The following FXR1 variants were observed in gnomAD, a reference collection of about 807,000 sequenced individuals.
The protein encoded by FXR1 is RNA-binding protein FXR1.
A neutral mutation model predicts 84.0 loss-of-function variants in FXR1; 15 were observed. The ratio of observed to expected loss-of-function variants is 0.18; its 90% confidence interval spans 0.12 to 0.27. FXR1 has a LOEUF of 0.27. Ranked by LOEUF, FXR1 falls within the 10% of genes least tolerant of loss-of-function variation. FXR1 has a pLI of 1.00. For missense variants in FXR1, 480 were observed against 774.4 expected (o/e 0.62, Z 4.51); for synonymous variants, 245 against 250.7 (o/e 0.98, Z 0.21).
chr3:180,976,993 A>T lies in FXR1; in HGVS notation c.*701A>T, dbSNP rs542041761. The T allele has an allele frequency of 6.5e-6, 1 of 152,690 alleles. No individual in the cohort carries two copies. Among genetic ancestry groups the T allele is most frequent in the East Asian group, 1.9e-4 (1 of 5,194 alleles). The allele number at this position is 152,690 out of a possible 1,614,324, so 9.5% of individuals were successfully genotyped here. A position where few individuals can be genotyped will look rare whatever the true frequency, so the allele number is the denominator to read the frequency against. On this transcript the variant is annotated 3_prime_UTR_variant, in exon 17 of 17. Transcript: ENST00000357559. ...GTCATGTCCATTCAGACATAACCTGAACTACTGAAAAGATCAATTTCCAGA... is the reference window on the plus strand; with the variant it reads ...GTCATGTCCATTCAGACATAACCTGTACTACTGAAAAGATCAATTTCCAGA...
At chr3:180,957,768 T>C in intron 9 of FXR1, 51 bp from the exon 10 acceptor site, 1 of 803,920 alleles carries the variant, frequency 1.2e-6, no homozygotes, top group Non-Finnish European at 2.1e-6. Context: ...ACTGAAAGAA[T>C]AGCAGAATTG....
chr3:180,943,421 C>T (rs542863720), intron 3 of FXR1, among the ~76,000 whole-genome samples: 150 of 151,796 alleles, frequency 9.9e-4, no homozygotes, highest in Non-Finnish European at 1.7e-3. Flanking sequence ...CGCCCACCAC[C>T]ATGCCCAGCT....
Position 180,976,191 on chromosome 3 carries a change from G to A in FXR1, c.1765G>A (p.Asp589Asn), listed in dbSNP as rs751470533. The A allele has an allele frequency of 5.0e-6, 8 of 1,612,718 alleles. No homozygotes were observed. The highest frequency in any genetic ancestry group is 6.8e-6 in the Non-Finnish European group (8 of 1,178,830). Residue 589 changes from aspartate to asparagine, a missense_variant, in exon 17 of 17, where the codon GAT (aspartate) becomes AAT (asparagine). Asp to Asn is a conservative substitution (Grantham distance 23). Transcript: ENST00000357559. ...AAACGGCCCAACTAGTGCTTCTGGC[G>A]ATGACATTTCTAAGCTACAGCGTAC... is the stretch of plus-strand genomic sequence containing the variant. ...AINGPTSASGDDISKLQRTPG... is the reference protein window; with the variant it reads ...AINGPTSASGNDISKLQRTPG...
At chr3:180,952,576 A>G (rs960162841) in intron 8 of FXR1, among the ~76,000 whole-genome samples, 12 of 125,568 alleles carry the variant, frequency 9.6e-5, no homozygotes, top group African/African-American at 2.1e-4. Context: ...AGGAGGAGGG[A>G]AAAAAAAAAA....
chr3:180,975,699 T>C (rs1451479718), intron 16 of FXR1, among the ~76,000 whole-genome samples: 2 of 152,232 alleles, frequency 1.3e-5, no homozygotes, highest in Admixed American at 1.3e-4. Flanking sequence ...ATACCTCTTC[T>C]CATTGATGGA....
At chr3:180,950,715 A>C (rs1722146065) in intron 7 of FXR1, among the ~76,000 whole-genome samples, 1 of 152,168 alleles carries the variant, frequency 6.6e-6, no homozygotes, top group East Asian at 1.9e-4. Flanking sequence ...TAGATACCTC[A>C]TGTAAGTAAA....
chr3:180,928,652 G>C (rs1719519205), intron 1 of FXR1, among the ~76,000 whole-genome samples: 1 of 152,036 alleles, frequency 6.6e-6, no homozygotes, highest in Admixed American at 6.5e-5. Context: ...GAGGACACTT[G>C]TAGGATTTAT....
chr3:180,928,762 T>C (rs185103103), intron 1 of FXR1, among the ~76,000 whole-genome samples: 1 of 152,274 alleles, frequency 6.6e-6, no homozygotes, highest in East Asian at 1.9e-4. Context: ...GTTAGTTAAC[T>C]TGCTGCTTAA....
At chr3:180,922,251 A>G (rs953116013) in intron 1 of FXR1, among the ~76,000 whole-genome samples, 24 of 152,308 alleles carry the variant, frequency 1.6e-4, no homozygotes, top group African/African-American at 5.1e-4. Context: ...TTGCTTTCCA[A>G]AAAGGCTTCT....
intron 1 of FXR1, chr3:180,927,614 A>G: frequency 1.7e-6 from 1 of 596,148 alleles, no homozygotes; most frequent in South Asian, 1.9e-5. Flanking sequence ...TTCATAAAGT[A>G]AGCAGATATC....
intron 1 of FXR1, among the ~76,000 whole-genome samples, chr3:180,917,025 G>T (rs187248304): frequency 2.6e-5 from 4 of 152,012 alleles, no homozygotes; most frequent in Admixed American, 2.6e-4. Context: ...TAGTAGAGAC[G>T]GAGTTTCACC....
rs970297633 is a variant in FXR1 at position 180,980,184 on chromosome 3, C to T, written c.*3892C>T. Reference sequence around the variant, plus strand: ...ACACCTAACCAAATGCCCAAGTATTCTCATAAGGAGTATGCTGAATTTAAG... The same window carrying T: ...ACACCTAACCAAATGCCCAAGTATTTTCATAAGGAGTATGCTGAATTTAAG... On this transcript the variant is annotated 3_prime_UTR_variant, in exon 17 of 17. Transcript: ENST00000357559. The T allele has an allele frequency of 6.6e-6, 1 of 152,040 alleles. No individual in the cohort carries two copies. The highest frequency in any genetic ancestry group is 2.4e-5 in the African/African-American group (1 of 41,416). 9.4% of individuals were successfully genotyped at this position (152,040 alleles called of 1,614,324 possible).
chr3:180,925,132 G>A lies in FXR1; in HGVS notation c.52-8202G>A, dbSNP rs186354306. ...TAATCCCAGCACTTTGGGGGCTGAG[G>A]TGGGTGGATCACGAGGTCAGGAGTT... On this transcript the variant is annotated intron_variant, in intron 1 of 16. Transcript: ENST00000357559. Among the ~76,000 whole-genome samples, 13 of 152,208 alleles carry A rather than the reference G, an allele frequency of 8.5e-5. No homozygotes were observed. The East Asian group carries it at 2.5e-3, about 30-fold the overall frequency.
At chr3:180,943,471 T>G (rs565275288) in intron 3 of FXR1, among the ~76,000 whole-genome samples, 1 of 152,062 alleles carries the variant, frequency 6.6e-6, no homozygotes, top group East Asian at 1.9e-4. Context: ...TTTGCCATGT[T>G]GGCCAGGTTG....
chr3:180,958,851 A>G (rs530321254), intron 10 of FXR1, among the ~76,000 whole-genome samples: 1 of 143,890 alleles, frequency 6.9e-6, no homozygotes, highest in South Asian at 2.2e-4. Flanking sequence ...CTCTGTCACC[A>G]GGGTGGAGTG....
intron 3 of FXR1, among the ~76,000 whole-genome samples, chr3:180,940,577 T>G (rs1721007105): frequency 6.9e-6 from 1 of 144,056 alleles, no homozygotes; most frequent in Admixed American, 6.9e-5. Context: ...TTTGTTTTTT[T>G]CTGTTTTCTT....
chr3:180,957,765 G>C, intron 9 of FXR1, 54 bp from the exon 10 acceptor site: 1 of 791,070 alleles, frequency 1.3e-6, no homozygotes. Flanking sequence ...GACACTGAAA[G>C]AATAGCAGAA....
At chr3:180,960,974 T>G (rs2108482221) in intron 10 of FXR1, among the ~76,000 whole-genome samples, 1 of 152,322 alleles carries the variant, frequency 6.6e-6, no homozygotes, top group South Asian at 2.1e-4. Context: ...TAGCATTTTT[T>G]TCTCCTTAAA....
At chr3:180,973,071 C>T (rs933451630) in intron 15 of FXR1, among the ~76,000 whole-genome samples, 4 of 152,078 alleles carry the variant, frequency 2.6e-5, no homozygotes, top group South Asian at 4.1e-4. Flanking sequence ...TGGATCCATT[C>T]GAGGAAATTC....
Sources: gnomAD v4.1 joint callset for allele counts (sites outside exome capture counted in the v4.1 genomes callset) on GRCh38, gnomAD v4.1.1 for gene constraint, MANE v1.5 for transcripts, NCBI Gene and HGNC (gene_info 2026-07-23, HGNC 2026-07-21) for gene names.